SLC16A12: variants seen among roughly 807,000 people sequenced by gnomAD.
The protein encoded by SLC16A12 is monocarboxylate transporter 12.
A neutral mutation model predicts 42.4 loss-of-function variants in SLC16A12; 17 were observed. The ratio of observed to expected loss-of-function variants is 0.40; its 90% CI spans 0.27 to 0.60. The LOEUF (loss-of-function observed/expected upper bound fraction) is 0.60, where lower values mean the gene tolerates loss of function less well. Among genes scored for constraint, SLC16A12 ranks in the 20% least tolerant of loss-of-function variants. The probability of loss-of-function intolerance (pLI) is 0.42; values close to 1 mark genes in which losing one functional copy is unlikely to be tolerated. For missense variants in SLC16A12, 544 were observed against 623.0 expected, an observed-to-expected ratio of 0.87 and a Z score of 1.35; for synonymous variants, 224 against 229.4, an observed-to-expected ratio of 0.98 and a Z score of 0.21.
chr10:89,499,906 T>C (rs1251482660), intron 2 of SLC16A12, among the ~76,000 whole-genome samples: 1 of 152,032 alleles, frequency 6.6e-6, no homozygotes, highest in Non-Finnish European at 1.5e-5. Context: ...ATTACTAAGA[T>C]TAACCAAGAA....
At chr10:89,519,535 A>G (rs1843315073) in intron 2 of SLC16A12, among the ~76,000 whole-genome samples, 1 of 152,156 alleles carries the variant, frequency 6.6e-6, no homozygotes, top group Non-Finnish European at 1.5e-5. Flanking sequence ...ATAGGCCCTC[A>G]GGGAGTGTAT....
In SLC16A12 at chr10:89,513,980, G is replaced by A. The variant is rs1843204338; in HGVS notation, c.-47+20521C>T. ...AGATGAACTGGTCAAGAGCCTAGGA[G>A]AGAGATCTAGTGTCCAGATGTATAC... On this transcript the variant is annotated intron_variant, in intron 2 of 7. Coordinates refer to ENST00000371790, the MANE Select transcript of SLC16A12 (RefSeq NM_213606.4). 2.6e-5 allele frequency among the ~76,000 whole-genome samples: 4 copies of A among 152,212 alleles called. No individual in the cohort carries two copies. The South Asian group carries it at 6.2e-4, about 24-fold the overall frequency.
chr10:89,513,139 T>C (rs1425917850), intron 2 of SLC16A12, among the ~76,000 whole-genome samples: 1 of 152,154 alleles, frequency 6.6e-6, no homozygotes, highest in African/African-American at 2.4e-5. Context: ...ATGGTTAAAA[T>C]GGTAAATTTT....
intron 2 of SLC16A12, among the ~76,000 whole-genome samples, chr10:89,517,480 A>G (rs1324209847): frequency 6.8e-6 from 1 of 147,488 alleles, no homozygotes; most frequent in Non-Finnish European, 1.5e-5. Context: ...CAGGTAATTA[A>G]TTTTTTTTTT....
chr10:89,443,859 T>C lies in SLC16A12; in HGVS notation c.201A>G (p.Arg67=), dbSNP rs1214323601. 3.1e-6 allele frequency: 5 copies of C among 1,593,886 alleles called. No individual in the cohort carries two copies. The Admixed American group carries it at 8.3e-5, about 27-fold the overall frequency. The change falls in exon 4 of 8, where the codon AGA becomes AGG. Residue 67 remains arginine, a splice_region_variant and synonymous_variant. Coordinates refer to ENST00000371790, the MANE Select transcript of SLC16A12 (RefSeq NM_213606.4). ...LVTICTRAVT[R]CISIFFVEFQ... The stretch of plus-strand genomic sequence containing the variant: ...ACTCCACAAAAAAAATTGAGATACA[T>C]CTGAAAAATACAATGCAGGCATTTT...
At chr10:89,531,213 T>C (rs1050336896) in intron 2 of SLC16A12, among the ~76,000 whole-genome samples, 6 of 150,822 alleles carry the variant, frequency 4.0e-5, no homozygotes, top group Non-Finnish European at 5.9e-5. Flanking sequence ...AACATGGTGA[T>C]ATCCTGTCTC....
chr10:89,526,373 C>T (rs543153929), intron 2 of SLC16A12, among the ~76,000 whole-genome samples: 1 of 152,316 alleles, frequency 6.6e-6, no homozygotes, highest in East Asian at 1.9e-4. Flanking sequence ...ATAACTTGAA[C>T]TGAGTCCCTA....
chr10:89,480,733 A>G (rs753798081), intron 2 of SLC16A12, among the ~76,000 whole-genome samples: 1 of 152,210 alleles, frequency 6.6e-6, no homozygotes, highest in Non-Finnish European at 1.5e-5. Flanking sequence ...AAACAGACCC[A>G]GTGTCTTCAT....
At chr10:89,544,829 T>C (rs375609984) in intron 2 of SLC16A12, among the ~76,000 whole-genome samples, 1 of 152,126 alleles carries the variant, frequency 6.6e-6, no homozygotes, top group East Asian at 1.9e-4. Flanking sequence ...GGTAGATTGA[T>C]TGTAAAAATA....
At chr10:89,438,330 C>T (rs1841838718) in intron 6 of SLC16A12, among the ~76,000 whole-genome samples, 1 of 152,188 alleles carries the variant, frequency 6.6e-6, no homozygotes, top group Admixed American at 6.5e-5. Context: ...CTTTTGTTTA[C>T]ATATTGTCTG....
chr10:89,543,695 C>A (rs1342816455), intron 2 of SLC16A12, among the ~76,000 whole-genome samples: 1 of 151,988 alleles, frequency 6.6e-6, no homozygotes, highest in East Asian at 1.9e-4. Flanking sequence ...CTTAGCTAGG[C>A]ATGGTGGCAC....
At chr10:89,485,771 G>A (rs937972383) in intron 2 of SLC16A12, among the ~76,000 whole-genome samples, 3 of 152,206 alleles carry the variant, frequency 2.0e-5, no homozygotes, top group Non-Finnish European at 4.4e-5. Context: ...GTGCAGAAAG[G>A]AGAGCAGCGT....
intron 2 of SLC16A12, among the ~76,000 whole-genome samples, chr10:89,546,893 T>C (rs1843745233): frequency 6.6e-6 from 1 of 152,174 alleles, no homozygotes; most frequent in African/African-American, 2.4e-5. Flanking sequence ...GGGACATGGA[T>C]AAAGCTGGAA....
intron 2 of SLC16A12, among the ~76,000 whole-genome samples, chr10:89,543,610 C>T (rs1038574625): frequency 2.6e-5 from 4 of 152,120 alleles, no homozygotes; most frequent in African/African-American, 9.7e-5. Flanking sequence ...AGGAGGATTG[C>T]TTCAGCCCAA....
At chr10:89,482,467 G>A in intron 2 of SLC16A12, among the ~76,000 whole-genome samples, 1 of 152,154 alleles carries the variant, frequency 6.6e-6, no homozygotes, top group Non-Finnish European at 1.5e-5. Context: ...GTATAACCAA[G>A]GATGAGAAGT....
At chr10:89,534,864 G>C (rs867076020) in intron 1 of SLC16A12, among the ~76,000 whole-genome samples, 11 of 151,832 alleles carry the variant, frequency 7.2e-5, no homozygotes, top group Non-Finnish European at 1.6e-4. Flanking sequence ...TTAGAATGCT[G>C]ATGTGTGAAA....
intron 2 of SLC16A12, among the ~76,000 whole-genome samples, chr10:89,515,086 C>G (rs111482512): frequency 4.4e-4 from 64 of 145,470 alleles, no homozygotes; most frequent in South Asian, 1.3e-3. Context: ...AGCAAGACTT[C>G]ATCTCAAAAA....
At chr10:89,474,654 G>A (rs561425048) in intron 2 of SLC16A12, among the ~76,000 whole-genome samples, 1 of 152,264 alleles carries the variant, frequency 6.6e-6, no homozygotes, top group African/African-American at 2.4e-5. Context: ...TCATGTCACG[G>A]AGGTACCAGC....
chr10:89,491,328 G>C (rs1015971800), intron 2 of SLC16A12, among the ~76,000 whole-genome samples: 1 of 152,212 alleles, frequency 6.6e-6, no homozygotes, highest in Admixed American at 6.5e-5. Flanking sequence ...TGCCTCACAG[G>C]TGTGTGCCTA....
Sources: allele counts gnomAD v4.1 joint callset (sites outside exome capture counted in the v4.1 genomes callset), GRCh38; gene constraint gnomAD v4.1.1; transcripts MANE v1.5; gene names NCBI Gene and HGNC (gene_info 2026-07-23, HGNC 2026-07-21).